ACOX3: variants seen among roughly 807,000 people sequenced by gnomAD.
ACOX3 encodes peroxisomal acyl-coenzyme A oxidase 3.
ACOX3 carries 73 observed loss-of-function variants against 81.5 expected under a neutral mutation model. That is an observed-to-expected ratio of 0.90 (90% CI 0.74 to 1.09). The LOEUF (loss-of-function observed/expected upper bound fraction) is 1.09. ACOX3 is among the 50% of genes least tolerant of loss of function. The pLI, the probability that ACOX3 is intolerant of heterozygous loss-of-function variation, is 0.00. For missense variants in ACOX3, 947 were observed against 928.0 expected, an observed-to-expected ratio of 1.02 and a Z score of -0.27; for synonymous variants, 387 against 375.1, an observed-to-expected ratio of 1.03 and a Z score of -0.37.
rs1723984543 is a variant in ACOX3, at chr4:8,431,983, T to C, written c.-15+8665A>G. On this transcript the variant is annotated intron_variant, in intron 1 of 17. Coordinates refer to ENST00000356406, the MANE Select transcript of ACOX3 (RefSeq NM_003501.3). The surrounding 1 kb of genome is among the most constrained non-coding windows in gnomAD (Gnocchi z 5.3). ...GGCTGGTTCTGCATTCCCAGAAGAG[T>C]GGCTGGAAGAAGTCACCAGGTCCTT... Among the ~76,000 whole-genome samples, 1 of 151,904 alleles carries C rather than the reference T, an allele frequency of 6.6e-6. No individual in the cohort carries two copies. The highest frequency in any genetic ancestry group is 2.1e-4 in the South Asian group (1 of 4,794).
rs1469201166 is a variant in ACOX3, at chr4:8,405,937, G to A, written c.776+18C>T. The A allele has an allele frequency of 6.2e-7, 1 of 1,612,052 alleles. No homozygotes were observed. The highest frequency in any genetic ancestry group is 1.7e-5 in the Admixed American group (1 of 60,028). ...GCCTTGGCAGGAAGCTCAGGGCTCAGCAGCCTCTGTCACTCACCCATTATC... is the reference window on the plus strand; with the variant it reads ...GCCTTGGCAGGAAGCTCAGGGCTCAACAGCCTCTGTCACTCACCCATTATC... On this transcript the variant is annotated intron_variant, in intron 7 of 17. Transcript: ENST00000356406. This position sits in a 1 kb window ranked among gnomAD's most constrained non-coding sequence, Gnocchi z 7.1.
chr4:8,398,102 G>A (rs760436759), intron 8 of ACOX3, among the ~76,000 whole-genome samples: 9 of 152,196 alleles, frequency 5.9e-5, no homozygotes, highest in Non-Finnish European at 1.3e-4. Context: ...CAGAGGAGAG[G>A]TTGCAGTGAG....
At chr4:8,371,943 T>C (rs894404186) in intron 16 of ACOX3, among the ~76,000 whole-genome samples, 3 of 152,170 alleles carry the variant, frequency 2.0e-5, no homozygotes, top group African/African-American at 7.2e-5. Flanking sequence ...AACGGCAGGA[T>C]TGGACTGAGT....
At chr4:8,357,626 A>G in the ACOX3 span, 2 of 274,084 alleles carry the variant, frequency 7.3e-6, no homozygotes, top group Admixed American at 9.8e-5. Flanking sequence ...CAAATGTTTT[A>G]TTTTCAAAAT....
chr4:8,403,116 A>G (rs968894798), intron 7 of ACOX3, among the ~76,000 whole-genome samples: 2 of 152,192 alleles, frequency 1.3e-5, no homozygotes, highest in African/African-American at 2.4e-5. Context: ...GCTAAAATTA[A>G]TCCACACAAT....
rs1349059165 is a variant in ACOX3, at chr4:8,373,612, A to G, written c.1845T>C (p.Gly615=). ...TCTCCAACACTTCTCCCGCCTGCTC[A>G]CCGGAGAAGTATCCTCCTGCAAGCA... ...ALLYRGGYFS[G]EQAGEVLESA... is the part of the protein sequence containing the mutation. Residue 615 remains glycine, a synonymous_variant, in exon 16 of 18, where the codon GGT becomes GGC. Coordinates refer to ENST00000356406, the MANE Select transcript of ACOX3 (RefSeq NM_003501.3). The G allele has an allele frequency of 6.2e-7, 1 of 1,612,924 alleles. No homozygotes were observed. The highest frequency in any genetic ancestry group is 2.2e-5 in the East Asian group (1 of 44,832).
At chr4:8,365,430 G>A (rs117687350), downstream of ACOX3, among the ~76,000 whole-genome samples, 1,536 of 152,334 alleles carry the variant, frequency 0.01, 39 homozygotes, top group Admixed American at 0.04. Flanking sequence ...TCCTGGGTTC[G>A]AGTGACAATG....
In ACOX3 at chr4:8,370,869, C is replaced by T. The variant is rs989487629; in HGVS notation, c.1983+39G>A. 3 of 1,586,640 alleles carry T rather than the reference C, an allele frequency of 1.9e-6. No homozygotes were observed. Among genetic ancestry groups the T allele is most frequent in the African/African-American group, 2.7e-5 (2 of 74,458 alleles). ...TCAGCTCCGCAGAAATGCCCATCAACCCTTGGGGCACTCCCGTGAGGCCCT... is the reference window on the plus strand; with the variant it reads ...TCAGCTCCGCAGAAATGCCCATCAATCCTTGGGGCACTCCCGTGAGGCCCT... On this transcript the variant is annotated intron_variant, in intron 17 of 17. Coordinates refer to ENST00000356406, the MANE Select transcript of ACOX3 (RefSeq NM_003501.3). The surrounding 1 kb of genome is among the most constrained non-coding windows in gnomAD (Gnocchi z 6.3).
chr4:8,371,952 G>A (rs1011935830), intron 16 of ACOX3, among the ~76,000 whole-genome samples: 1 of 152,264 alleles, frequency 6.6e-6, no homozygotes, highest in Non-Finnish European at 1.5e-5. Context: ...ATTGGACTGA[G>A]TTTGCTGGCC....
chr4:8,434,573 C>G (rs958633559), intron 1 of ACOX3, among the ~76,000 whole-genome samples: 1 of 152,212 alleles, frequency 6.6e-6, no homozygotes, highest in African/African-American at 2.4e-5. Flanking sequence ...GCATGGCAAG[C>G]CCCCGTGGAG....
chr4:8,395,233 C>T (rs1039401971), intron 9 of ACOX3, among the ~76,000 whole-genome samples: 1 of 103,666 alleles, frequency 9.6e-6, no homozygotes, highest in Admixed American at 1.6e-4. Context: ...GGATAGGGTC[C>T]ACCTATTGTT....
chr4:8,369,048 C>T (rs1369622793), intron 17 of ACOX3, among the ~76,000 whole-genome samples: 1 of 152,156 alleles, frequency 6.6e-6, no homozygotes, highest in Non-Finnish European at 1.5e-5. Context: ...AACTATGGAA[C>T]CCAGAGCCAG....
At position 8,407,778 on chromosome 4, in the gene ACOX3, C is replaced by G. The variant is rs940626620; in HGVS notation, c.688-1735G>C. Reference sequence around the variant, plus strand: ...TACAGGTCCAGCCAGCTAATGGCTGCGCACTGTGGGAACTCGACGGAAGGA... The same window carrying G: ...TACAGGTCCAGCCAGCTAATGGCTGGGCACTGTGGGAACTCGACGGAAGGA... On this transcript the variant is annotated intron_variant, in intron 6 of 17. Transcript: ENST00000356406. The surrounding 1 kb of genome is among the most constrained non-coding windows in gnomAD (Gnocchi z 4.6). 6.6e-6 allele frequency among the ~76,000 whole-genome samples: 1 copy of G among 152,216 alleles called. No individual in the cohort carries two copies. Among genetic ancestry groups the G allele is most frequent in the African/African-American group, 2.4e-5 (1 of 41,460 alleles).
chr4:8,411,111 G>C (rs1721674007), intron 5 of ACOX3, among the ~76,000 whole-genome samples: 1 of 152,190 alleles, frequency 6.6e-6, no homozygotes, highest in South Asian at 2.1e-4. Context: ...GGGAGGATGC[G>C]GACCAGCAGT....
At chr4:8,396,745 A>C (rs1055817539) in intron 9 of ACOX3, among the ~76,000 whole-genome samples, 192 bp downstream of exon 9, 12 of 150,626 alleles carry the variant, frequency 8.0e-5, no homozygotes, top group African/African-American at 2.4e-4. Flanking sequence ...CTTCGTATCT[A>C]CTCTTTTTAA....
At chr4:8,411,493 G>T (rs1444578502) in intron 5 of ACOX3, among the ~76,000 whole-genome samples, 4 of 152,222 alleles carry the variant, frequency 2.6e-5, no homozygotes, top group Non-Finnish European at 5.9e-5. Context: ...CTCTTCGCCT[G>T]CGAGGGTAAG....
At chr4:8,418,567 T>C (rs975782495) in intron 1 of ACOX3, among the ~76,000 whole-genome samples, 2 of 148,632 alleles carry the variant, frequency 1.3e-5, no homozygotes, top group Admixed American at 1.3e-4. Flanking sequence ...GACAGACAAA[T>C]GGCCAAAAAA....
At position 8,410,401 on chromosome 4, in the gene ACOX3, A is replaced by G. The variant is rs185648320; in HGVS notation, c.544-46T>C. 202 of 1,602,224 alleles carry G rather than the reference A, an allele frequency of 1.3e-4. No homozygotes were observed. The East Asian group carries it at 2.8e-3, about 22-fold the overall frequency. On this transcript the variant is annotated intron_variant, in intron 5 of 17. Coordinates refer to ENST00000356406, the MANE Select transcript of ACOX3 (RefSeq NM_003501.3). ...GTTAGTTATAATTAGCAACTAAAGC[A>G]CATGCAGAATTGGTGTTTTCCTTTT...
chr4:8,408,075 G>A (rs954531553), intron 6 of ACOX3, among the ~76,000 whole-genome samples: 9 of 152,164 alleles, frequency 5.9e-5, no homozygotes, highest in African/African-American at 1.9e-4. Context: ...GTGGTGCTAC[G>A]GGGAATTTAG....
Sources: allele counts gnomAD v4.1 joint callset (sites outside exome capture counted in the v4.1 genomes callset), GRCh38; gene constraint gnomAD v4.1.1; non-coding constraint Gnocchi (gnomAD v3.1); transcripts MANE v1.5; gene names NCBI Gene and HGNC (gene_info 2026-07-23, HGNC 2026-07-21).